The following KNDC1 variants were observed in gnomAD, a reference collection of about 807,000 sequenced individuals.
KNDC1 encodes the protein kinase non-catalytic C-lobe domain containing 1.
A neutral mutation model predicts 172.8 loss-of-function variants in KNDC1; 106 were observed. That is an observed-to-expected ratio of 0.61 (90% CI 0.52 to 0.72). KNDC1 has a LOEUF of 0.72. Ranked by LOEUF, KNDC1 falls within the 30% of genes least tolerant of loss-of-function variation. The pLI is 0.00. For synonymous variants in KNDC1, 1,083 were observed against 1,062.2 expected, an observed-to-expected ratio of 1.02 and a Z score of -0.38; for missense variants, 2,325 against 2,394.5, an observed-to-expected ratio of 0.97 and a Z score of 0.61.
intron 18 of KNDC1, 29 bp from the exon 19 acceptor site, chr10:133,206,817 CAGGCAGCCCG>C (rs757535403): frequency 5.0e-6 from 8 of 1,612,998 alleles, no homozygotes; most frequent in Middle Eastern, 1.7e-4. Flanking sequence ...ACCCTGGCTG[CAGGCAGCCCG>C]GCCCCCACCC....
At chr10:133,171,241 G>T (rs976019407) in intron 3 of KNDC1, among the ~76,000 whole-genome samples, 3 of 152,232 alleles carry the variant, frequency 2.0e-5, no homozygotes, top group Admixed American at 1.3e-4. Context: ...GATGTTTTTT[G>T]ATTCTATTCT....
In KNDC1 at chr10:133,198,898, G is replaced by A. The variant is rs778395696; in HGVS notation, c.2390G>A (p.Gly797Glu). 21 of 1,588,492 alleles carry A rather than the reference G, an allele frequency of 1.3e-5. No homozygotes were observed. Among genetic ancestry groups the A allele is most frequent in the African/African-American group, 2.7e-5 (2 of 74,476 alleles). Residue 797 changes from glycine to glutamate, a missense_variant, in exon 14 of 30, where the codon GGG becomes GAG. Physicochemically the swap from Gly to Glu is moderately conservative, Grantham distance 98 (BLOSUM62 -2). Coordinates refer to ENST00000304613, the MANE Select transcript of KNDC1 (RefSeq NM_152643.8). ...GCATCTGCGCTGCCCGTAGAGCAAG[G>A]GCCGGCTGAGCCGATCCCACCTGGA... Reference protein sequence around the residue: ...TKASALPVEQGPAEPIPPGVA... With the variant: ...TKASALPVEQEPAEPIPPGVA...
In KNDC1 at chr10:133,220,089, G is replaced by T. The variant is rs1845551923; in HGVS notation, c.4995G>T (p.Gly1665=). The T allele has an allele frequency of 1.9e-6, 3 of 1,567,046 alleles. No homozygotes were observed. In the East Asian group the frequency reaches 7.1e-5, roughly 37 times the overall value. Residue 1665 remains glycine, a synonymous_variant, in exon 29 of 30, where the codon GGG becomes GGT. Coordinates refer to ENST00000304613, the MANE Select transcript of KNDC1 (RefSeq NM_152643.8). Reference sequence around the variant, plus strand: ...CAGGCGGCTTCACCATGACCAACGGGGCCCACAGGTGGAGCAAGCTCAGGT... The same window carrying T: ...CAGGCGGCTTCACCATGACCAACGGTGCCCACAGGTGGAGCAAGCTCAGGT... The part of the protein sequence containing the change: ...LETGGFTMTN[G]AHRWSKLRNI...
In KNDC1 at chr10:133,207,410, G is replaced by A. The variant is rs986904809; in HGVS notation, c.3794+59G>A. 12 of 1,480,870 alleles carry A rather than the reference G, an allele frequency of 8.1e-6. No individual in the cohort carries two copies. In the African/African-American group the frequency reaches 1.4e-4, roughly 17 times the overall value. The allele number at this position is 1,480,870 out of a possible 1,614,324, so 91.7% of individuals were successfully genotyped here. On this transcript the variant is annotated intron_variant, in intron 20 of 29. Coordinates refer to ENST00000304613, the MANE Select transcript of KNDC1 (RefSeq NM_152643.8). The stretch of plus-strand genomic sequence containing the variant: ...GACGTAGCCCGGGGTGCTGAGAAGA[G>A]GGGGGGAACGTGCCCTCGCCAGTCA...
chr10:133,167,245 T>C, intron 1 of KNDC1, 136 bp from the exon 2 acceptor site: 1 of 760,456 alleles, frequency 1.3e-6, no homozygotes, highest in Non-Finnish European at 2.1e-6. Flanking sequence ...TGAGACGTGG[T>C]CTAAAGCCCT....
At chr10:133,192,172 C>G (rs1219280603) in intron 9 of KNDC1, among the ~76,000 whole-genome samples, 1 of 152,086 alleles carries the variant, frequency 6.6e-6, no homozygotes, top group African/African-American at 2.4e-5. Context: ...TCATATGGAA[C>G]CAAAAAAGAG....
chr10:133,180,384 A>G lies in KNDC1; in HGVS notation c.361-2960A>G, dbSNP rs868668873. ...AGGGGCCCCTCGCCCGCGGCCATGC[A>G]GAGACCTGGAGATGTGAGGCTCCGC... On this transcript the variant is annotated intron_variant, in intron 3 of 29. Coordinates refer to ENST00000304613, the MANE Select transcript of KNDC1 (RefSeq NM_152643.8). Among the ~76,000 whole-genome samples, 10 of 152,324 alleles carry G rather than the reference A, an allele frequency of 6.6e-5. 1 individual carries two copies. In the South Asian group the frequency reaches 2.1e-3, roughly 32 times the overall value.
At position 133,211,550 on chromosome 10, in the gene KNDC1, A is replaced by G; in HGVS notation, c.4037A>G (p.Glu1346Gly). The G allele has an allele frequency of 6.2e-7, 1 of 1,613,844 alleles. No individual in the cohort carries two copies. The highest frequency in any genetic ancestry group is 2.2e-5 in the East Asian group (1 of 44,882). Residue 1346 changes from glutamate (E) to glycine (G), a missense_variant, in exon 22 of 30, where the codon GAG becomes GGG. Coordinates refer to ENST00000304613, the MANE Select transcript of KNDC1 (RefSeq NM_152643.8). ...PRNSGLLGKL[E>G]DFISSKILPL... ...AACAGCGGGCTGCTGGGGAAGCTAG[A>G]GGACTTCATCTCCTCCAAGGTGACA...
At chr10:133,200,218 C>T (rs553640202) in intron 15 of KNDC1, among the ~76,000 whole-genome samples, 157 bp from the exon 16 acceptor site, 1 of 152,316 alleles carries the variant, frequency 6.6e-6, no homozygotes, top group Non-Finnish European at 1.5e-5. Flanking sequence ...GGGATCCCGT[C>T]GGCTGCTGTG....
At chr10:133,204,078 TGGCGCCGGTGACCTCCG>T in intron 17 of KNDC1, among the ~76,000 whole-genome samples, 1 of 152,294 alleles carries the variant, frequency 6.6e-6, no homozygotes, top group South Asian at 2.1e-4. Flanking sequence ...GGATGGAGCC[TGGCGCCGGTGACCTCCG>T]GGGGCCGGAC....
chr10:133,182,972 G>A (rs1349672523), intron 3 of KNDC1, among the ~76,000 whole-genome samples: 1 of 150,046 alleles, frequency 6.7e-6, no homozygotes, highest in African/African-American at 2.5e-5. Flanking sequence ...GGGCACAGGC[G>A]GTGTGGGCAC....
chr10:133,214,237 C>A, intron 26 of KNDC1, 115 bp downstream of exon 26: 1 of 1,142,632 alleles, frequency 8.8e-7, no homozygotes, highest in Non-Finnish European at 1.2e-6. Flanking sequence ...GTGAACCCAA[C>A]TCTGTGTCCC....
intron 23 of KNDC1, among the ~76,000 whole-genome samples, chr10:133,212,077 T>A (rs775032109): frequency 1.3e-5 from 2 of 150,754 alleles, no homozygotes; most frequent in African/African-American, 2.4e-5. Context: ...TGCATGCACC[T>A]TCACACAATC....
chr10:133,213,597 G>A (rs1485243923), intron 24 of KNDC1, 48 bp from the exon 25 acceptor site: 5 of 1,542,054 alleles, frequency 3.2e-6, no homozygotes, highest in African/African-American at 1.4e-5. Context: ...TGGACACAAG[G>A]CCCTAAGGGA....
At chr10:133,204,573 C>T (rs1854471229) in intron 17 of KNDC1, among the ~76,000 whole-genome samples, 1 of 152,190 alleles carries the variant, frequency 6.6e-6, no homozygotes, top group Non-Finnish European at 1.5e-5. Context: ...CTGCTGAACC[C>T]GTGCGTGGGA....
chr10:133,199,923 G>C (rs1376446134), intron 15 of KNDC1, among the ~76,000 whole-genome samples: 1 of 152,148 alleles, frequency 6.6e-6, no homozygotes, highest in Non-Finnish European at 1.5e-5. Context: ...CCTGCTCAGA[G>C]GGACCAGTGT....
intron 17 of KNDC1, chr10:133,202,440 G>T: frequency 2.5e-6 from 1 of 399,212 alleles, no homozygotes. Flanking sequence ...GGGAGTCCTG[G>T]GTGCAGGAGA....
At chr10:133,203,314 C>A (rs1298575212) in intron 17 of KNDC1, among the ~76,000 whole-genome samples, 8 of 152,254 alleles carry the variant, frequency 5.3e-5, no homozygotes, top group African/African-American at 1.9e-4. Flanking sequence ...ACTCGGCCCC[C>A]AAACTCATGG....
chr10:133,211,902 G>A (rs753664321), intron 23 of KNDC1, 44 bp downstream of exon 23: 2 of 1,559,952 alleles, frequency 1.3e-6, no homozygotes, highest in East Asian at 2.2e-5. Flanking sequence ...ACAGGCGGAT[G>A]TGGGTCCCTG....
Sources: gnomAD v4.1 joint callset for allele counts (sites outside exome capture counted in the v4.1 genomes callset) on GRCh38, gnomAD v4.1.1 for gene constraint, MANE v1.5 for transcripts, NCBI Gene and HGNC (gene_info 2026-07-23, HGNC 2026-07-21) for gene names.